The following SNIP1 variants were observed in gnomAD, a reference collection of about 807,000 sequenced individuals.
SNIP1 encodes the protein Smad nuclear interacting protein 1.
In SNIP1, 23 loss-of-function variants were observed where a neutral mutation model predicts 37.4. That is an observed-to-expected ratio of 0.61 (90% confidence interval 0.44 to 0.87). The LOEUF is 0.87. Ranked by LOEUF, SNIP1 falls within the 40% of genes least tolerant of loss-of-function variation. The pLI, the probability that SNIP1 is intolerant of heterozygous loss-of-function variation, is 0.00. For synonymous variants in SNIP1, 174 were observed against 200.0 expected (o/e 0.87, Z 1.10); for missense variants, 459 against 540.4 (o/e 0.85, Z 1.49).
Position 37,535,048 on chromosome 1 carries a change from T to A in SNIP1, c.*2700A>T, listed in dbSNP as rs1035690470. 1.5e-5 allele frequency: 2 copies of A among 133,424 alleles called. No individual in the cohort carries two copies. The highest frequency in any genetic ancestry group is 2.1e-4 in the East Asian group (1 of 4,772). The allele number at this position is 133,424 out of a possible 1,614,324, so 8.3% of individuals were successfully genotyped here. A position where few individuals can be genotyped will look rare whatever the true frequency, so the allele number is the denominator to read the frequency against. The stretch of plus-strand genomic sequence containing the variant: ...GACACCCTTTCTTCAAAGAAAGGGG[T>A]AAGGGAAAACAAGACCAAAAAAAAA... On this transcript the variant is annotated 3_prime_UTR_variant, in exon 4 of 4. Transcript: ENST00000296215.
At position 37,540,661 on chromosome 1, in the gene SNIP1, TC is replaced by T; in HGVS notation, c.421del (p.Asp141ThrfsTer102). 6.2e-7 allele frequency: 1 copy of T among 1,614,140 alleles called. No homozygotes were observed. The highest frequency in any genetic ancestry group is 8.5e-7 in the Non-Finnish European group (1 of 1,180,026). ...EHRRARNSDR[D>X]RHRGHSHQRR... ...TTGGTGGGAATGGCCCCGGTGTCTG[TC>T]CCGGTCACTGTTCCTAGCTCTCCTG... On this transcript the variant is annotated frameshift_variant, in exon 3 of 4. Coordinates refer to ENST00000296215, the MANE Select transcript of SNIP1 (RefSeq NM_024700.4). LOFTEE classifies it high-confidence loss of function. This position sits in a 1 kb window ranked among gnomAD's most constrained non-coding sequence, Gnocchi z 5.6.
chr1:37,540,125 C>T lies in SNIP1; in HGVS notation c.926+32G>A. The T allele has an allele frequency of 6.6e-7, 1 of 1,524,382 alleles. No homozygotes were observed. The highest frequency in any genetic ancestry group is 8.9e-7 in the Non-Finnish European group (1 of 1,128,114). The allele number at this position is 1,524,382 out of a possible 1,614,324, so 94.4% of individuals were successfully genotyped here. ...TCCTAACTGAGTGATTGTTTCTGCT[C>T]ACATTACAGTTTCTTCCTCCATGTT... On this transcript the variant is annotated intron_variant, in intron 3 of 3. Coordinates refer to ENST00000296215, the MANE Select transcript of SNIP1 (RefSeq NM_024700.4). The surrounding 1 kb of genome is among the most constrained non-coding windows in gnomAD (Gnocchi z 5.6).
At chr1:37,548,572 A>C (rs1643267573) in intron 2 of SNIP1, among the ~76,000 whole-genome samples, 1 of 151,516 alleles carries the variant, frequency 6.6e-6, no homozygotes, top group Non-Finnish European at 1.5e-5. Flanking sequence ...GGCCTCCCAA[A>C]GTGCTGGGAT....
rs142236081 is a variant in SNIP1 at position 37,551,257 on chromosome 1, C to T, written c.327+1388G>A. On this transcript the variant is annotated intron_variant, in intron 2 of 3. Transcript: ENST00000296215. Reference sequence around the variant, plus strand: ...TGCACTCCAGCCTGGGTGACAGAGCCAGACTCTGTCTCAAAAAAAAAAAAA... The same window carrying T: ...TGCACTCCAGCCTGGGTGACAGAGCTAGACTCTGTCTCAAAAAAAAAAAAA... 5.6e-3 allele frequency among the ~76,000 whole-genome samples: 779 copies of T among 139,502 alleles called. 11 individuals carry two copies. The highest frequency in any genetic ancestry group is 0.016 in the African/African-American group (607 of 38,408). 91.5% of individuals were successfully genotyped at this position (139,502 alleles called of 152,430 possible).
chr1:37,549,699 G>A (rs758229562), intron 2 of SNIP1, among the ~76,000 whole-genome samples: 21 of 152,128 alleles, frequency 1.4e-4, no homozygotes, highest in Non-Finnish European at 2.5e-4. Flanking sequence ...GGCATGAGTC[G>A]CTGTGACCGG....
At chr1:37,551,428 A>C (rs1237900931) in intron 2 of SNIP1, among the ~76,000 whole-genome samples, 1 of 152,258 alleles carries the variant, frequency 6.6e-6, no homozygotes, top group Admixed American at 6.5e-5. Context: ...AAAATGATAC[A>C]GCCACTATTA....
intron 2 of SNIP1, among the ~76,000 whole-genome samples, chr1:37,548,444 T>C (rs1231294870): frequency 6.6e-6 from 1 of 151,464 alleles, no homozygotes; most frequent in Non-Finnish European, 1.5e-5. Context: ...GCCTCCCAAG[T>C]AGCTGGGATT....
At chr1:37,542,242 T>C (rs952831786) in intron 2 of SNIP1, among the ~76,000 whole-genome samples, 1 of 152,178 alleles carries the variant, frequency 6.6e-6, no homozygotes, top group African/African-American at 2.4e-5. Context: ...ACAGCACAGA[T>C]ACACCAGACA....
intron 2 of SNIP1, among the ~76,000 whole-genome samples, chr1:37,547,342 C>A (rs1406014066): frequency 6.6e-6 from 1 of 152,088 alleles, no homozygotes; most frequent in Non-Finnish European, 1.5e-5. Context: ...GGAGGTGGTG[C>A]AATTTTGGGG....
At chr1:37,539,745 T>C (rs968000014) in intron 3 of SNIP1, among the ~76,000 whole-genome samples, 2 of 151,968 alleles carry the variant, frequency 1.3e-5, no homozygotes, top group African/African-American at 4.8e-5. Flanking sequence ...TCTCACAGGA[T>C]TGTTGTGAGA....
chr1:37,554,192 C>A lies in SNIP1; in HGVS notation c.38G>T (p.Arg13Leu). 6.2e-7 allele frequency: 1 copy of A among 1,610,290 alleles called. No individual in the cohort carries two copies. The highest frequency in any genetic ancestry group is 8.5e-7 in the Non-Finnish European group (1 of 1,177,888). ...AVKSERERGS[R>L]RRHRDGDVVL... ...CACGTCCCCGTCCCGGTGTCTTCGC[C>A]GGCTCCCTCGCTCCCGTTCGCTCTT... Residue 13 changes from arginine (R) to leucine (L), a missense_variant, in exon 1 of 4, where the codon CGG becomes CTG. Transcript: ENST00000296215.
At chr1:37,551,634 T>C (rs181268033) in intron 2 of SNIP1, among the ~76,000 whole-genome samples, 1 of 152,212 alleles carries the variant, frequency 6.6e-6, no homozygotes, top group Non-Finnish European at 1.5e-5. Flanking sequence ...AGCAAAGAGG[T>C]AGCCATCTGC....
At chr1:37,544,288 T>G (rs1245229741) in intron 2 of SNIP1, among the ~76,000 whole-genome samples, 4 of 148,090 alleles carry the variant, frequency 2.7e-5, no homozygotes, top group African/African-American at 7.5e-5. Flanking sequence ...GTACTAAAAA[T>G]ACAAAAAATT....
In SNIP1 at chr1:37,554,159, G is replaced by C; in HGVS notation, c.71C>G (p.Pro24Arg). ...RRHRDGDVVLPAGVVVKQERL... is the reference protein window; with the variant it reads ...RRHRDGDVVLRAGVVVKQERL... ...CTCCTGCTTCACCACCACCCCCGCC[G>C]GCAGCACCACGTCCCCGTCCCGGTG... Residue 24 changes from proline to arginine, a missense_variant, in exon 1 of 4, where the codon CCG (proline) becomes CGG (arginine). Physicochemically the swap from Pro to Arg is moderately radical, Grantham distance 103 (BLOSUM62 -2). Transcript: ENST00000296215. 2 of 1,612,912 alleles carry C rather than the reference G, an allele frequency of 1.2e-6. No individual in the cohort carries two copies. The highest frequency in any genetic ancestry group is 8.5e-7 in the Non-Finnish European group (1 of 1,179,424).
At chr1:37,538,200 T>G (rs1643122428) in intron 3 of SNIP1, among the ~76,000 whole-genome samples, 188 bp from the exon 4 acceptor site, 1 of 152,046 alleles carries the variant, frequency 6.6e-6, no homozygotes, top group Non-Finnish European at 1.5e-5. Context: ...ATTGGAAGTT[T>G]AAATATACTT....
In SNIP1 at chr1:37,536,682, CATACACACTATATGTAAGCAGCAA is replaced by C. The variant is rs1269534285; in HGVS notation, c.*1042_*1065del. Reference sequence around the variant, plus strand: ...AACACACAATTTACATATATACATACATACACACTATATGTAAGCAGCAAATACTTTGCTACTTACACATATTCC... The same window carrying C: ...AACACACAATTTACATATATACATACATACTTTGCTACTTACACATATTCC... On this transcript the variant is annotated 3_prime_UTR_variant, in exon 4 of 4. Transcript: ENST00000296215. The C allele has an allele frequency of 6.6e-6, 1 of 152,362 alleles. No individual in the cohort carries two copies. The highest frequency in any genetic ancestry group is 1.5e-5 in the Non-Finnish European group (1 of 68,040). The allele number at this position is 152,362 out of a possible 1,614,324, so 9.4% of individuals were successfully genotyped here.
chr1:37,539,174 T>C (rs1643136697), intron 3 of SNIP1, among the ~76,000 whole-genome samples: 2 of 152,192 alleles, frequency 1.3e-5, no homozygotes, highest in Admixed American at 6.5e-5. Flanking sequence ...AATGTGATAG[T>C]ATTAGAAAAT....
intron 2 of SNIP1, among the ~76,000 whole-genome samples, chr1:37,544,515 A>C (rs1241163465): frequency 6.6e-6 from 1 of 151,934 alleles, no homozygotes; most frequent in Non-Finnish European, 1.5e-5. Context: ...GACTTCATTC[A>C]TGTACAAAAA....
chr1:37,543,006 G>A (rs1442654910), intron 2 of SNIP1, among the ~76,000 whole-genome samples: 2 of 151,300 alleles, frequency 1.3e-5, no homozygotes, highest in Non-Finnish European at 2.9e-5. Flanking sequence ...GCTGAAGTGA[G>A]CTATGATCAT....
Sources: gnomAD v4.1 joint callset for allele counts (sites outside exome capture counted in the v4.1 genomes callset) on GRCh38, gnomAD v4.1.1 for gene constraint, Gnocchi (gnomAD v3.1) non-coding constraint, MANE v1.5 for transcripts, NCBI Gene and HGNC (gene_info 2026-07-23, HGNC 2026-07-21) for gene names.